CPAP: variants seen among roughly 807,000 people sequenced by gnomAD.
CPAP encodes the protein centrosomal P4.1-associated protein.
the CPAP span, chr13:24,906,705 T>G: frequency 1.9e-6 from 3 of 1,614,124 alleles, no homozygotes; most frequent in African/African-American, 2.7e-5. Flanking sequence ...CTCTTGGTTC[T>G]AGCTTTACTG....
At chr13:24,910,054 T>TC in the CPAP span, 1 of 1,613,482 alleles carries the variant, frequency 6.2e-7, no homozygotes, top group Non-Finnish European at 8.5e-7. Context: ...GACCTGTGCT[T>TC]CTGGCTCTGA....
the CPAP span, chr13:24,892,792 G>A: frequency 1.2e-6 from 2 of 1,613,628 alleles, no homozygotes; most frequent in Non-Finnish European, 1.7e-6. Context: ...CTTCTGAGAC[G>A]GCTGTGTGTA....
the CPAP span, among the ~76,000 whole-genome samples, chr13:24,886,862 A>G: frequency 3.3e-5 from 5 of 152,218 alleles, no homozygotes; most frequent in South Asian, 2.1e-4. Context: ...CCCACTATAT[A>G]TCAAGTTTAA....
the CPAP span, chr13:24,886,176 C>T: frequency 9.1e-6 from 5 of 550,240 alleles, no homozygotes; most frequent in East Asian, 2.1e-4. Context: ...TCTAAAAATA[C>T]ACTGAAGTGC....
the CPAP span, among the ~76,000 whole-genome samples, chr13:24,893,994 G>A: frequency 6.6e-6 from 1 of 152,084 alleles, no homozygotes; most frequent in African/African-American, 2.4e-5. Context: ...GGCTGTGTGG[G>A]GAGGCAGGAT....
At chr13:24,890,022 TATC>T in the CPAP span, among the ~76,000 whole-genome samples, 2 of 152,124 alleles carry the variant, frequency 1.3e-5, no homozygotes, top group African/African-American at 4.8e-5. Context: ...CATCTGCAAT[TATC>T]AATAACCACA....
At chr13:24,884,251 A>AAGAC in the CPAP span, 1 of 1,614,104 alleles carries the variant, frequency 6.2e-7, no homozygotes, top group East Asian at 2.2e-5. Context: ...TAGATCTGTA[A>AAGAC]AGACACACAG....
the CPAP span, chr13:24,903,823 ATTTG>A: frequency 7.9e-7 from 1 of 1,271,028 alleles, no homozygotes; most frequent in Admixed American, 1.7e-5. Flanking sequence ...TTTCAATTAT[ATTTG>A]TTTGACTGAT....
the CPAP span, among the ~76,000 whole-genome samples, chr13:24,918,460 T>C: frequency 9.2e-5 from 14 of 152,352 alleles, no homozygotes; most frequent in Admixed American, 7.2e-4. Context: ...AATCTAAGTG[T>C]AACTTTGACT....
At chr13:24,918,855 A>C in the CPAP span, among the ~76,000 whole-genome samples, 1 of 152,186 alleles carries the variant, frequency 6.6e-6, no homozygotes, top group African/African-American at 2.4e-5. Flanking sequence ...GAAGTGGAAG[A>C]AAATCCAAGC....
At chr13:24,898,513 T>C in the CPAP span, among the ~76,000 whole-genome samples, 1 of 152,216 alleles carries the variant, frequency 6.6e-6, no homozygotes. Flanking sequence ...TGAATGATAA[T>C]ATATTTATAT....
the CPAP span, chr13:24,906,853 G>A: frequency 6.2e-7 from 1 of 1,614,142 alleles, no homozygotes; most frequent in Non-Finnish European, 8.5e-7. Flanking sequence ...TACTTTCTTT[G>A]CCTTTTTGAA....
At chr13:24,928,853 G>T in the CPAP span, among the ~76,000 whole-genome samples, 1 of 152,122 alleles carries the variant, frequency 6.6e-6, no homozygotes, top group Admixed American at 6.5e-5. Flanking sequence ...GAAACCTAAT[G>T]GGTCTGTACA....
the CPAP span, among the ~76,000 whole-genome samples, chr13:24,897,940 G>A: frequency 6.6e-6 from 1 of 152,196 alleles, no homozygotes; most frequent in Non-Finnish European, 1.5e-5. Context: ...CTGTCACCCA[G>A]GCTGGAGTGC....
chr13:24,904,638 C>CAA, the CPAP span, among the ~76,000 whole-genome samples: 1 of 152,186 alleles, frequency 6.6e-6, no homozygotes, highest in South Asian at 2.1e-4. Context: ...TGAAATATCC[C>CAA]AAAATGGCAT....
chr13:24,928,650 G>A, the CPAP span, among the ~76,000 whole-genome samples: 19 of 152,250 alleles, frequency 1.2e-4, no homozygotes, highest in East Asian at 1.4e-3. Flanking sequence ...GGCTGGTCTC[G>A]AATTCCTGAC....
the CPAP span, chr13:24,883,877 A>C: frequency 6.6e-7 from 1 of 1,517,682 alleles, no homozygotes; most frequent in African/African-American, 1.4e-5. Flanking sequence ...ACATATCATC[A>C]GAAACGCAAG....
the CPAP span, chr13:24,904,069 G>A: frequency 1.9e-6 from 3 of 1,613,320 alleles, no homozygotes; most frequent in African/African-American, 4.0e-5. Flanking sequence ...CTATGAAATA[G>A]GCCATAAATA....
chr13:24,905,674 C>T, the CPAP span: 1 of 1,614,214 alleles, frequency 6.2e-7, no homozygotes, highest in Non-Finnish European at 8.5e-7. Context: ...CCATTTTACT[C>T]AGACTTAGGG....
Sources: gnomAD v4.1 joint callset for allele counts (sites outside exome capture counted in the v4.1 genomes callset) on GRCh38, gnomAD v4.1.1 for gene constraint, MANE v1.5 for transcripts, NCBI Gene and HGNC (gene_info 2026-07-23, HGNC 2026-07-21) for gene names.